Variants in RPS6KA2 observed in about 807,000 individuals in gnomAD.
RPS6KA2 encodes the protein ribosomal protein S6 kinase A2, also known as ribosomal protein S6 kinase alpha-2.
In RPS6KA2, 42 loss-of-function variants were observed where a neutral mutation model predicts 91.8. The ratio of observed to expected loss-of-function variants is 0.46; its 90% CI spans 0.36 to 0.59. The LOEUF (loss-of-function observed/expected upper bound fraction) is 0.59, where lower values mean the gene tolerates loss of function less well. Ranked by LOEUF, RPS6KA2 falls within the 20% of genes least tolerant of loss-of-function variation. The probability of loss-of-function intolerance (pLI) is 0.00; values close to 1 mark genes in which losing one functional copy is unlikely to be tolerated. For missense variants in RPS6KA2, 798 were observed against 978.5 expected (o/e 0.82, Z 2.46); for synonymous variants, 414 against 393.6 (o/e 1.05, Z -0.61).
chr6:166,638,540 C>T (rs1052788746), intron 2 of RPS6KA2, among the ~76,000 whole-genome samples: 3 of 152,170 alleles, frequency 2.0e-5, no homozygotes, highest in South Asian at 2.1e-4. Context: ...TGGAGACAGG[C>T]GAAAGACGGA....
chr6:166,606,315 T>TA (rs1785954675), intron 1 of RPS6KA2, among the ~76,000 whole-genome samples: 1 of 152,212 alleles, frequency 6.6e-6, no homozygotes, highest in Non-Finnish European at 1.5e-5. Flanking sequence ...CAAAGCTGAA[T>TA]AGCCCTCTTG....
intron 14 of RPS6KA2, among the ~76,000 whole-genome samples, chr6:166,436,512 G>C (rs1423059637): frequency 6.6e-6 from 1 of 152,168 alleles, no homozygotes; most frequent in East Asian, 1.9e-4. Context: ...GACCAGAAGG[G>C]GCTGCATGGG....
chr6:166,530,681 C>T (rs1195869418), intron 3 of RPS6KA2, among the ~76,000 whole-genome samples: 1 of 152,218 alleles, frequency 6.6e-6, no homozygotes, highest in East Asian at 1.9e-4. Context: ...TAGTGACGGG[C>T]TTAAAGACTG....
chr6:166,773,329 A>G (rs1353483307), intron 2 of RPS6KA2, among the ~76,000 whole-genome samples: 1 of 152,064 alleles, frequency 6.6e-6, no homozygotes, highest in Non-Finnish European at 1.5e-5. Flanking sequence ...GGGGAGTCAG[A>G]GCCCCCACAG....
At chr6:166,719,713 G>A (rs539162582) in intron 2 of RPS6KA2, among the ~76,000 whole-genome samples, 2 of 152,322 alleles carry the variant, frequency 1.3e-5, no homozygotes, top group East Asian at 3.9e-4. Context: ...GTTCATCAAC[G>A]GAGGGATAGT....
chr6:166,849,128 G>A lies in RPS6KA2; in HGVS notation c.123+9072C>T, dbSNP rs541306552. Among the ~76,000 whole-genome samples the A allele has an allele frequency of 1.6e-4, 24 of 152,172 alleles. No homozygotes were observed. In the South Asian group the frequency reaches 5.0e-3, roughly 32 times the overall value. On this transcript the variant is annotated intron_variant, in intron 2 of 21. Transcript: ENST00000503859. The surrounding 1 kb of genome is among the most constrained non-coding windows in gnomAD (Gnocchi z 4.9). ...ATGGTTCCTGAAGCCAAGCCCAGCT[G>A]AGGCTTCCTTGGTCCGGCCATGCCA...
Position 166,733,474 on chromosome 6 carries a change from G to A in RPS6KA2, c.123+124726C>T, listed in dbSNP as rs1310180206. On this transcript the variant is annotated intron_variant, in intron 2 of 21. Coordinates refer to the RPS6KA2 transcript ENST00000503859. The surrounding 1 kb of genome is among the most constrained non-coding windows in gnomAD (Gnocchi z 4.1). ...AAAGACATAGGGACCCTTACAGTAC[G>A]AGTTTTGGGTACTAACCCCATGGCT... Among the ~76,000 whole-genome samples, 2 of 152,210 alleles carry A rather than the reference G, an allele frequency of 1.3e-5. No homozygotes were observed. Among genetic ancestry groups the A allele is most frequent in the African/African-American group, 4.8e-5 (2 of 41,464 alleles).
chr6:166,476,637 G>A (rs1052229209), intron 10 of RPS6KA2, among the ~76,000 whole-genome samples: 2 of 152,120 alleles, frequency 1.3e-5, no homozygotes, highest in African/African-American at 2.4e-5. Flanking sequence ...TGAGGAGGTC[G>A]AGAGGCAGAG....
chr6:166,646,725 G>T (rs1367175419), intron 2 of RPS6KA2, among the ~76,000 whole-genome samples: 3 of 152,162 alleles, frequency 2.0e-5, no homozygotes, highest in African/African-American at 4.8e-5. Flanking sequence ...GCCCCCTTCA[G>T]TTCCTAGGAT....
rs527719258 is a variant in RPS6KA2 at position 166,781,120 on chromosome 6, T to G, written c.123+77080A>C. ...ACTCCTCTAACAGAAATACAAAACA[T>G]GATGGACCTTTTTTCTCTGCTTAAA... is the stretch of plus-strand genomic sequence containing the variant. On this transcript the variant is annotated intron_variant, in intron 2 of 21. Transcript: ENST00000503859. 3.6e-4 allele frequency among the ~76,000 whole-genome samples: 55 copies of G among 152,328 alleles called. 1 individual carries two copies. The South Asian group carries it at 0.011, about 31-fold the overall frequency.
At chr6:166,581,034 T>C (rs1002804073) in intron 1 of RPS6KA2, among the ~76,000 whole-genome samples, 51 of 152,140 alleles carry the variant, frequency 3.4e-4, no homozygotes, top group Non-Finnish European at 1.2e-4. Flanking sequence ...CCCAAGTAGC[T>C]GGGACTACAG....
rs533585407 is a variant in RPS6KA2 at position 166,761,780 on chromosome 6, G to A, written c.123+96420C>T. Among the ~76,000 whole-genome samples, 5 of 152,302 alleles carry A rather than the reference G, an allele frequency of 3.3e-5. No homozygotes were observed. The South Asian group carries it at 6.2e-4, about 19-fold the overall frequency. On this transcript the variant is annotated intron_variant, in intron 2 of 21. Coordinates refer to the RPS6KA2 transcript ENST00000503859. ...TGTACCTTTCCCCTTCCTAGGCCCC[G>A]GGGAGATAGGAAGGTGGGACCGCAC...
At chr6:166,853,831 G>A (rs909676838) in intron 2 of RPS6KA2, among the ~76,000 whole-genome samples, 6 of 152,240 alleles carry the variant, frequency 3.9e-5, no homozygotes, top group South Asian at 4.1e-4. Flanking sequence ...TCATGGAGGC[G>A]CTCTCAGCCC....
At chr6:166,856,635 T>C (rs1780911174) in intron 2 of RPS6KA2, among the ~76,000 whole-genome samples, 1 of 152,204 alleles carries the variant, frequency 6.6e-6, no homozygotes, top group Non-Finnish European at 1.5e-5. Context: ...CACATAAGTC[T>C]GTCTGCAGTA....
At chr6:166,463,524 G>A (rs1004700) in intron 11 of RPS6KA2, 41,164 of 152,056 alleles carry the variant, frequency 0.27, 5,901 homozygotes, top group African/African-American at 0.36. Flanking sequence ...CGAATTTCAC[G>A]GGAAACAAGC....
At chr6:166,747,996 G>T (rs755353148) in intron 2 of RPS6KA2, among the ~76,000 whole-genome samples, 2 of 152,198 alleles carry the variant, frequency 1.3e-5, no homozygotes, top group African/African-American at 2.4e-5. Flanking sequence ...GCCCATGCCA[G>T]TGAATGTGCC....
Position 166,435,467 on chromosome 6 carries a change from C to G in RPS6KA2, c.1333-2977G>C, listed in dbSNP as rs1316487601. Among the ~76,000 whole-genome samples the G allele has an allele frequency of 1.3e-5, 2 of 152,212 alleles. No individual in the cohort carries two copies. Among genetic ancestry groups the G allele is most frequent in the African/African-American group, 2.4e-5 (1 of 41,456 alleles). On this transcript the variant is annotated intron_variant, in intron 14 of 20. Transcript: ENST00000265678. This position sits in a 1 kb window ranked among gnomAD's most constrained non-coding sequence, Gnocchi z 4.3. Reference sequence around the variant, plus strand: ...TTTTCAACATATTAGTTACGCCTTTCAAAATCATGTAATTGCTTGGTGGAA... The same window carrying G: ...TTTTCAACATATTAGTTACGCCTTTGAAAATCATGTAATTGCTTGGTGGAA...
At chr6:166,439,523 G>T (rs895219916) in intron 14 of RPS6KA2, among the ~76,000 whole-genome samples, 26 of 152,220 alleles carry the variant, frequency 1.7e-4, no homozygotes, top group Admixed American at 6.5e-5. Context: ...CCATGTGCCC[G>T]ACTTTGTTGA....
At chr6:166,574,897 A>G (rs957127252) in intron 1 of RPS6KA2, among the ~76,000 whole-genome samples, 1 of 152,238 alleles carries the variant, frequency 6.6e-6, no homozygotes, top group Non-Finnish European at 1.5e-5. Context: ...CAAATAGAGT[A>G]GACTTAGTAA....
Sources: allele counts gnomAD v4.1 joint callset (sites outside exome capture counted in the v4.1 genomes callset), GRCh38; gene constraint gnomAD v4.1.1; non-coding constraint Gnocchi (gnomAD v3.1); transcripts MANE v1.5; gene names NCBI Gene and HGNC (gene_info 2026-07-23, HGNC 2026-07-21).